Variants in DLGAP2 observed in about 807,000 individuals in gnomAD.
DLGAP2 encodes the protein DLG associated protein 2.
In DLGAP2, 26 loss-of-function variants were observed where a neutral mutation model predicts 100.3. The observed-to-expected ratio is 0.26, with a 90% CI of 0.19 to 0.36. DLGAP2 has a LOEUF of 0.36. Among genes scored for constraint, DLGAP2 ranks in the 10% least tolerant of loss-of-function variants. The pLI, the probability that DLGAP2 is intolerant of heterozygous loss-of-function variation, is 1.00. For missense variants in DLGAP2, 1,858 were observed against 1,453.2 expected, an observed-to-expected ratio of 1.28 and a Z score of -4.53; for synonymous variants, 886 against 630.1, an observed-to-expected ratio of 1.41 and a Z score of -6.08.
At chr8:1,331,116 C>T (rs187386063) in intron 3 of DLGAP2, among the ~76,000 whole-genome samples, 10 of 152,324 alleles carry the variant, frequency 6.6e-5, no homozygotes, top group East Asian at 1.9e-4. Context: ...TACTCATGCA[C>T]GCTTTCTTTC....
chr8:771,202 A>G (rs968126781), intron 1 of DLGAP2, among the ~76,000 whole-genome samples: 14 of 152,174 alleles, frequency 9.2e-5, no homozygotes, highest in Non-Finnish European at 5.9e-5. Context: ...GCATATTGCT[A>G]CTTTCTGTCC....
At chr8:1,207,822 GTTGAGCA>G (rs2116777662) in intron 2 of DLGAP2, among the ~76,000 whole-genome samples, 1 of 152,204 alleles carries the variant, frequency 6.6e-6, no homozygotes, top group East Asian at 1.9e-4. Flanking sequence ...AATTAATGAT[GTTGAGCA>G]TTTTTTCCAT....
In DLGAP2 at chr8:1,632,917, C is replaced by T. The variant is rs202014683; in HGVS notation, c.1681C>T (p.Leu561Phe). ...VESQAMDALD[L>F]PGCFRTRSHS... is the part of the protein sequence containing the mutation. ...ATCTCAGGCCATGGATGCCCTCGAC[C>T]TCCCGGGATGTTTCCGAACAAGGAG... is the stretch of plus-strand genomic sequence containing the variant. The change falls in exon 8 of 15, where the codon CTC becomes TTC. Residue 561 changes from leucine to phenylalanine, a missense_variant. Transcript: ENST00000637795. 3.7e-6 allele frequency: 6 copies of T among 1,614,012 alleles called. No individual in the cohort carries two copies. The highest frequency in any genetic ancestry group is 2.7e-5 in the African/African-American group (2 of 75,046).
intron 1 of DLGAP2, among the ~76,000 whole-genome samples, chr8:856,139 G>C (rs140832220): frequency 1.3e-5 from 2 of 148,258 alleles, no homozygotes; most frequent in African/African-American, 4.9e-5. Flanking sequence ...GATTATTTAT[G>C]TAGAAGATCC....
intron 2 of DLGAP2, among the ~76,000 whole-genome samples, chr8:1,056,013 G>A (rs1563167915): frequency 6.6e-6 from 1 of 152,230 alleles, no homozygotes; most frequent in Non-Finnish European, 1.5e-5. Context: ...TCCTTATGGA[G>A]GCAGCTCAGG....
chr8:1,309,413 T>C (rs1243326369), intron 3 of DLGAP2, among the ~76,000 whole-genome samples: 9 of 152,166 alleles, frequency 5.9e-5, no homozygotes, highest in Admixed American at 5.2e-4. Context: ...GCTTATCTCT[T>C]GATTTCTCTA....
chr8:847,572 A>T (rs947596574), intron 1 of DLGAP2, among the ~76,000 whole-genome samples: 2 of 151,856 alleles, frequency 1.3e-5, no homozygotes, highest in African/African-American at 2.4e-5. Flanking sequence ...AAGTGGAATG[A>T]TCTCAGCTCA....
At chr8:857,526 T>C (rs1642022586) in intron 1 of DLGAP2, among the ~76,000 whole-genome samples, 1 of 152,148 alleles carries the variant, frequency 6.6e-6, no homozygotes, top group Non-Finnish European at 1.5e-5. Flanking sequence ...GTAAAAGATC[T>C]TAACAGACAC....
intron 2 of DLGAP2, among the ~76,000 whole-genome samples, chr8:967,254 T>C (rs1159439384): frequency 6.6e-6 from 1 of 152,234 alleles, no homozygotes; most frequent in African/African-American, 2.4e-5. Flanking sequence ...ATGTTAGTTT[T>C]TCCTAAAGTT....
chr8:1,518,874 C>G (rs1429332811), intron 4 of DLGAP2, among the ~76,000 whole-genome samples: 1 of 152,170 alleles, frequency 6.6e-6, no homozygotes, highest in Non-Finnish European at 1.5e-5. Context: ...TGAGCGGCAT[C>G]TGGATATTTA....
At chr8:1,521,106 A>G (rs1408792078) in intron 4 of DLGAP2, among the ~76,000 whole-genome samples, 1 of 151,196 alleles carries the variant, frequency 6.6e-6, no homozygotes, top group Non-Finnish European at 1.5e-5. Context: ...GCGGGAGGTG[A>G]TATGGGGCGT....
chr8:1,032,916 A>T (rs11783542), intron 2 of DLGAP2: 1 of 152,196 alleles, frequency 6.6e-6, no homozygotes, highest in African/African-American at 2.4e-5. Context: ...CAATTAAACT[A>T]TTGTGTCTTC....
intron 4 of DLGAP2, among the ~76,000 whole-genome samples, chr8:1,538,436 G>C (rs921870157): frequency 5.3e-5 from 8 of 152,186 alleles, no homozygotes; most frequent in African/African-American, 1.9e-4. Flanking sequence ...TGAATGGAGA[G>C]GAAATGAAGA....
At chr8:1,249,301 G>T (rs144822761) in intron 2 of DLGAP2, among the ~76,000 whole-genome samples, 1 of 152,304 alleles carries the variant, frequency 6.6e-6, no homozygotes, top group Non-Finnish European at 1.5e-5. Flanking sequence ...CCGTGGGAAG[G>T]TCTCAGCCTG....
chr8:1,644,261 C>T (rs1294754264), intron 8 of DLGAP2, among the ~76,000 whole-genome samples: 1 of 152,232 alleles, frequency 6.6e-6, no homozygotes, highest in Non-Finnish European at 1.5e-5. Flanking sequence ...CAGCCTGACC[C>T]TAAGCCCGCC....
At chr8:996,254 G>A (rs1425742743) in intron 2 of DLGAP2, among the ~76,000 whole-genome samples, 1 of 152,204 alleles carries the variant, frequency 6.6e-6, no homozygotes, top group Non-Finnish European at 1.5e-5. Context: ...GATGGAGGCT[G>A]TGAGTTACTT....
intron 2 of DLGAP2, among the ~76,000 whole-genome samples, chr8:1,144,933 G>A (rs1019088368): frequency 1.3e-5 from 2 of 150,240 alleles, no homozygotes; most frequent in Non-Finnish European, 3.0e-5. Context: ...CAGTCAAACC[G>A]CAGACGGCCT....
At chr8:1,629,928 C>G (rs1401192325) in intron 7 of DLGAP2, among the ~76,000 whole-genome samples, 1 of 152,098 alleles carries the variant, frequency 6.6e-6, no homozygotes, top group Non-Finnish European at 1.5e-5. Context: ...TTTGATGAAC[C>G]CAAGATGGTA....
chr8:883,794 C>T (rs115984374), intron 1 of DLGAP2, among the ~76,000 whole-genome samples: 1 of 152,206 alleles, frequency 6.6e-6, no homozygotes, highest in Non-Finnish European at 1.5e-5. Flanking sequence ...TCCCCCCACT[C>T]CCTAACTCGC....
Sources: gnomAD v4.1 joint callset for allele counts (sites outside exome capture counted in the v4.1 genomes callset) on GRCh38, gnomAD v4.1.1 for gene constraint, MANE v1.5 for transcripts, NCBI Gene and HGNC (gene_info 2026-07-23, HGNC 2026-07-21) for gene names.